SAMD3: variants seen among roughly 807,000 people sequenced by gnomAD.
SAMD3 encodes the protein sterile alpha motif domain-containing protein 3.
A neutral mutation model predicts 58.5 loss-of-function variants in SAMD3; 63 were observed. That is an observed-to-expected ratio of 1.08 (90% CI 0.88 to 1.33). The LOEUF is 1.33. Among genes scored for constraint, SAMD3 ranks in the 40% most tolerant of loss-of-function variants. The pLI is 0.00. For missense variants in SAMD3, 604 were observed against 608.4 expected (o/e 0.99, Z 0.08); for synonymous variants, 220 against 210.3 (o/e 1.05, Z -0.40).
At chr6:130,208,861 G>T (rs573209771) in intron 5 of SAMD3, among the ~76,000 whole-genome samples, 32 of 152,220 alleles carry the variant, frequency 2.1e-4, no homozygotes, top group African/African-American at 7.5e-4. Context: ...TCAGTCCATG[G>T]TGTCAAAAAG....
chr6:130,236,903 A>G (rs537017701), intron 2 of SAMD3, among the ~76,000 whole-genome samples: 4 of 152,286 alleles, frequency 2.6e-5, no homozygotes, highest in African/African-American at 9.6e-5. Flanking sequence ...TCAACTTCAT[A>G]TGGTTACAAA....
At chr6:130,331,652 G>A (rs763924373) in intron 1 of SAMD3, among the ~76,000 whole-genome samples, 2 of 152,302 alleles carry the variant, frequency 1.3e-5, no homozygotes, top group East Asian at 1.9e-4. Flanking sequence ...CCGGGAGGCC[G>A]AGGTTGCAGT....
At chr6:130,290,737 T>G (rs1196885190) in intron 2 of SAMD3, among the ~76,000 whole-genome samples, 1 of 152,194 alleles carries the variant, frequency 6.6e-6, no homozygotes, top group Non-Finnish European at 1.5e-5. Flanking sequence ...GTTGTGAGAT[T>G]CAATATAGAA....
In SAMD3 at chr6:130,215,313, G is replaced by C; in HGVS notation, c.-21-19C>G. ...AATACACCTGTAGAGCAAAAGGTCAGAGAATTCTCCAGCTTTTCTTTCTGA... is the reference window on the plus strand; with the variant it reads ...AATACACCTGTAGAGCAAAAGGTCACAGAATTCTCCAGCTTTTCTTTCTGA... On this transcript the variant is annotated intron_variant, in intron 2 of 11. Coordinates refer to ENST00000439090, the MANE Select transcript of SAMD3 (RefSeq NM_001017373.4). 1 of 1,476,126 alleles carries C rather than the reference G, an allele frequency of 6.8e-7. No individual in the cohort carries two copies. The highest frequency in any genetic ancestry group is 9.2e-7 in the Non-Finnish European group (1 of 1,086,646). 91.4% of individuals were successfully genotyped at this position (1,476,126 alleles called of 1,614,324 possible). A position where few individuals can be genotyped will look rare whatever the true frequency, so the allele number is the denominator to read the frequency against.
chr6:130,205,034 T>C (rs1794961460), intron 5 of SAMD3, among the ~76,000 whole-genome samples: 1 of 151,932 alleles, frequency 6.6e-6, no homozygotes, highest in Non-Finnish European at 1.5e-5. Flanking sequence ...CTGGCACTTG[T>C]TCCCCACCTC....
intron 2 of SAMD3, among the ~76,000 whole-genome samples, chr6:130,236,612 G>A (rs1289730034): frequency 6.6e-6 from 1 of 152,138 alleles, no homozygotes; most frequent in Admixed American, 6.6e-5. Flanking sequence ...TCAAACTCCT[G>A]ACCTTGTGAT....
At chr6:130,157,452 C>T (rs905866424) in intron 8 of SAMD3, among the ~76,000 whole-genome samples, 3 of 151,944 alleles carry the variant, frequency 2.0e-5, no homozygotes, top group Non-Finnish European at 4.4e-5. Context: ...GATCAACTGT[C>T]CCAACAGATG....
intron 2 of SAMD3, among the ~76,000 whole-genome samples, chr6:130,274,533 C>T (rs1487351363): frequency 6.6e-6 from 1 of 152,038 alleles, no homozygotes; most frequent in Non-Finnish European, 1.5e-5. Flanking sequence ...GCAAGTGGGA[C>T]ACATGTAAAT....
At chr6:130,183,221 C>A (rs1792547098) in intron 7 of SAMD3, 1 of 381,856 alleles carries the variant, frequency 2.6e-6, no homozygotes. Context: ...TAATGTGCAA[C>A]CAGAGCTTAG....
chr6:130,189,103 C>CA (rs71028200), intron 5 of SAMD3, among the ~76,000 whole-genome samples: 39,678 of 138,088 alleles, frequency 0.29, 5,686 homozygotes, highest in East Asian at 0.48. Flanking sequence ...TTAAAAAAAC[C>CA]AAAAAAAAAA....
At chr6:130,283,308 T>C (rs1489448631) in intron 2 of SAMD3, among the ~76,000 whole-genome samples, 1 of 152,122 alleles carries the variant, frequency 6.6e-6, no homozygotes, top group Non-Finnish European at 1.5e-5. Context: ...AAGGTGGTGT[T>C]TGAGAGAAGA....
chr6:130,359,779 A>T (rs1006228155), intron 1 of SAMD3, among the ~76,000 whole-genome samples: 1 of 152,204 alleles, frequency 6.6e-6, no homozygotes, highest in African/African-American at 2.4e-5. Context: ...CTGAAACTCT[A>T]CTCACATTTT....
chr6:130,206,590 T>A (rs1795100444), intron 5 of SAMD3, among the ~76,000 whole-genome samples: 2 of 152,206 alleles, frequency 1.3e-5, no homozygotes, highest in Admixed American at 6.5e-5. Context: ...GCCAAATATA[T>A]ACTAAGGCAG....
Position 130,282,839 on chromosome 6 carries a change from C to T in SAMD3, c.-188+30139G>A, listed in dbSNP as rs1032048417. 2.0e-5 allele frequency among the ~76,000 whole-genome samples: 3 copies of T among 152,078 alleles called. No homozygotes were observed. The South Asian group carries it at 6.2e-4, about 32-fold the overall frequency. ...AGATTGGTATAAAAATTGGACCCAG[C>T]AGGGTGATTCTCTTGGGGCATGTAA... On this transcript the variant is annotated intron_variant, in intron 2 of 13. Transcript: ENST00000368134.
chr6:130,349,284 C>T (rs895553978), intron 1 of SAMD3, among the ~76,000 whole-genome samples: 5 of 152,146 alleles, frequency 3.3e-5, no homozygotes, highest in African/African-American at 1.2e-4. Flanking sequence ...ATCAATGAAT[C>T]CAGGAGATGG....
At chr6:130,312,391 C>T (rs907446204) in intron 2 of SAMD3, among the ~76,000 whole-genome samples, 4 of 152,202 alleles carry the variant, frequency 2.6e-5, no homozygotes, top group Non-Finnish European at 5.9e-5. Flanking sequence ...GCTTGCTCAC[C>T]GTACCGTTAC....
chr6:130,210,542 T>C (rs1279309577), intron 4 of SAMD3, among the ~76,000 whole-genome samples: 2 of 148,508 alleles, frequency 1.3e-5, no homozygotes, highest in Non-Finnish European at 3.0e-5. Context: ...GAGGTTGCAG[T>C]GAGCTGAAAT....
chr6:130,352,764 A>G lies in SAMD3; in HGVS notation c.-304+12356T>C, dbSNP rs564758846. ...AGTTTCTATGAACAGCAAAGAAAAC[A>G]TATACTGCTCTGGGGAGATTTACCT... On this transcript the variant is annotated intron_variant, in intron 1 of 13. Coordinates refer to the SAMD3 transcript ENST00000368134. 2.0e-5 allele frequency among the ~76,000 whole-genome samples: 3 copies of G among 152,336 alleles called. No homozygotes were observed. The South Asian group carries it at 6.2e-4, about 32-fold the overall frequency.
chr6:130,304,020 A>G (rs1006038093), intron 2 of SAMD3, among the ~76,000 whole-genome samples: 1 of 152,200 alleles, frequency 6.6e-6, no homozygotes, highest in Non-Finnish European at 1.5e-5. Context: ...ACTTGAGTGT[A>G]TAAACATTTA....
Sources: allele counts gnomAD v4.1 joint callset (sites outside exome capture counted in the v4.1 genomes callset), GRCh38; gene constraint gnomAD v4.1.1; transcripts MANE v1.5; gene names NCBI Gene and HGNC (gene_info 2026-07-23, HGNC 2026-07-21).